Variants in PITPNC1 observed in about 807,000 individuals in gnomAD.
PITPNC1 encodes phosphatidylinositol transfer protein cytoplasmic 1.
Under a neutral mutation model 44.7 loss-of-function variants are expected in PITPNC1, and 18 were observed. The observed-to-expected ratio is 0.40, with a 90% CI of 0.28 to 0.60. The LOEUF (loss-of-function observed/expected upper bound fraction) is 0.60. PITPNC1 is among the 20% of genes least tolerant of loss of function. PITPNC1 has a pLI of 0.39. For missense variants in PITPNC1, 290 were observed against 418.4 expected, an observed-to-expected ratio of 0.69 and a Z score of 2.68; for synonymous variants, 141 against 149.6, an observed-to-expected ratio of 0.94 and a Z score of 0.42.
At chr17:67,433,355 G>T (rs1277097460) in intron 1 of PITPNC1, among the ~76,000 whole-genome samples, 1 of 152,204 alleles carries the variant, frequency 6.6e-6, no homozygotes, top group East Asian at 1.9e-4. Flanking sequence ...TGTGGAACCG[G>T]AGTCTGGAGA....
At chr17:67,391,060 C>CGT (rs80236076) in intron 1 of PITPNC1, among the ~76,000 whole-genome samples, 2,170 of 146,866 alleles carry the variant, frequency 0.015, 22 homozygotes, top group African/African-American at 0.031. Context: ...ACTTTTTTAG[C>CGT]GTGTGTGTGT....
intron 4 of PITPNC1, among the ~76,000 whole-genome samples, chr17:67,557,153 T>TC (rs2040849125): frequency 6.6e-6 from 1 of 152,126 alleles, no homozygotes; most frequent in African/African-American, 2.4e-5. Context: ...AGGGCTGTCT[T>TC]CCTGGTAAGC....
At chr17:67,489,389 A>G (rs2039829734) in intron 1 of PITPNC1, among the ~76,000 whole-genome samples, 1 of 152,336 alleles carries the variant, frequency 6.6e-6, no homozygotes, top group Admixed American at 6.5e-5. Context: ...AGAATGAACT[A>G]AAGATCATGG....
intron 1 of PITPNC1, among the ~76,000 whole-genome samples, chr17:67,477,965 T>C (rs1218490447): frequency 6.6e-6 from 1 of 152,010 alleles, no homozygotes; most frequent in African/African-American, 2.4e-5. Flanking sequence ...CTGTTGAGAG[T>C]GATGGCATGT....
chr17:67,506,340 A>G (rs2040100359), intron 1 of PITPNC1, among the ~76,000 whole-genome samples: 1 of 152,180 alleles, frequency 6.6e-6, no homozygotes, highest in Non-Finnish European at 1.5e-5. Flanking sequence ...TTTAGATTTA[A>G]GATATTGTTT....
intron 3 of PITPNC1, 100 bp downstream of exon 3, chr17:67,552,445 G>C: frequency 4.0e-6 from 3 of 751,704 alleles, no homozygotes; most frequent in Non-Finnish European, 7.2e-6. Context: ...GCAGGGCCTT[G>C]TGGGAGCCCC....
intron 4 of PITPNC1, among the ~76,000 whole-genome samples, chr17:67,572,543 A>G (rs533822551): frequency 9.4e-4 from 136 of 144,988 alleles, no homozygotes; most frequent in Non-Finnish European, 1.8e-3. Flanking sequence ...TTAGGGGGGC[A>G]CCCTCCTGTT....
intron 4 of PITPNC1, among the ~76,000 whole-genome samples, chr17:67,575,689 C>A (rs2041131358): frequency 1.3e-5 from 2 of 152,094 alleles, no homozygotes; most frequent in Non-Finnish European, 2.9e-5. Flanking sequence ...TCAGCATACA[C>A]TGGAGGGCTT....
At chr17:67,381,097 G>A (rs1202536663) in intron 1 of PITPNC1, among the ~76,000 whole-genome samples, 1 of 152,084 alleles carries the variant, frequency 6.6e-6, no homozygotes, top group Non-Finnish European at 1.5e-5. Context: ...GGAGGCTGAG[G>A]TGGGCAGATC....
At chr17:67,384,720 G>C (rs1435741429) in intron 1 of PITPNC1, among the ~76,000 whole-genome samples, 1 of 152,142 alleles carries the variant, frequency 6.6e-6, no homozygotes, top group Non-Finnish European at 1.5e-5. Context: ...CCACTGCGCC[G>C]GGCCTTGTTC....
intron 1 of PITPNC1, among the ~76,000 whole-genome samples, chr17:67,507,857 C>T (rs989261918): frequency 2.0e-5 from 3 of 151,926 alleles, no homozygotes; most frequent in Non-Finnish European, 4.4e-5. Context: ...TGTTGTTGCT[C>T]CTGGGTACTG....
chr17:67,679,982 T>C (rs1461063907), intron 8 of PITPNC1, among the ~76,000 whole-genome samples: 1 of 152,164 alleles, frequency 6.6e-6, no homozygotes, highest in Non-Finnish European at 1.5e-5. Flanking sequence ...AACCTGACTC[T>C]AACCAAAAAG....
chr17:67,619,596 C>A (rs903678102), intron 5 of PITPNC1, among the ~76,000 whole-genome samples: 13 of 152,148 alleles, frequency 8.5e-5, no homozygotes, highest in African/African-American at 3.1e-4. Context: ...GCCGGGGATC[C>A]AAGGACAACA....
chr17:67,600,924 A>G (rs1481720420), intron 5 of PITPNC1, among the ~76,000 whole-genome samples: 3 of 152,092 alleles, frequency 2.0e-5, no homozygotes, highest in Non-Finnish European at 4.4e-5. Context: ...AGTAATAACA[A>G]TAATGGTAAA....
At chr17:67,507,683 CAAAAAAAAAAAAA>C (rs59838492) in intron 1 of PITPNC1, among the ~76,000 whole-genome samples, 16,634 of 80,062 alleles carry the variant, frequency 0.21, 1,222 homozygotes, top group Middle Eastern at 0.29. Context: ...GACTTGGTCT[CAAAAAAAAAAAAA>C]AAAAAAAAAA....
rs1160152426 is a variant in PITPNC1, at chr17:67,599,034, A to AT, written c.366+20797dup. Among the ~76,000 whole-genome samples the AT allele has an allele frequency of 3.2e-3, 115 of 35,672 alleles. 1 individual carries two copies. The highest frequency in any genetic ancestry group is 4.6e-3 in the East Asian group (5 of 1,088). The allele number at this position is 35,672 out of a possible 152,430, so 23.4% of individuals were successfully genotyped here. On this transcript the variant is annotated intron_variant, in intron 5 of 8. Transcript: ENST00000581322. ...TATATATATATATATATATATATAT[A>AT]TTTTTTTTTTTTTTTTTTTTACCAT...
At chr17:67,533,334 G>A (rs762591809) in intron 2 of PITPNC1, among the ~76,000 whole-genome samples, 6 of 152,200 alleles carry the variant, frequency 3.9e-5, no homozygotes, top group South Asian at 2.1e-4. Context: ...CTGCAAAATC[G>A]TCCTCAACTG....
At chr17:67,447,260 G>A (rs927876185) in intron 1 of PITPNC1, among the ~76,000 whole-genome samples, 1 of 151,900 alleles carries the variant, frequency 6.6e-6, no homozygotes, top group Non-Finnish European at 1.5e-5. Context: ...CCACCTAGGG[G>A]ATGGAGGCCC....
intron 1 of PITPNC1, among the ~76,000 whole-genome samples, chr17:67,532,132 G>C (rs1299456725): frequency 6.6e-6 from 1 of 152,208 alleles, no homozygotes; most frequent in Non-Finnish European, 1.5e-5. Context: ...ACTCTTCATG[G>C]AATTGGATGA....
Sources: gnomAD v4.1 joint callset for allele counts (sites outside exome capture counted in the v4.1 genomes callset) on GRCh38, gnomAD v4.1.1 for gene constraint, MANE v1.5 for transcripts, NCBI Gene and HGNC (gene_info 2026-07-23, HGNC 2026-07-21) for gene names.